Variants in USH2A observed in about 807,000 individuals in gnomAD.
The protein encoded by USH2A is usherin.
USH2A carries 443 observed loss-of-function variants against 538.9 expected under a neutral mutation model. That is an observed-to-expected ratio of 0.82 (90% CI 0.76 to 0.89). The LOEUF (loss-of-function observed/expected upper bound fraction) is 0.89, where lower values mean the gene tolerates loss of function less well. Among genes scored for constraint, USH2A ranks in the 40% least tolerant of loss-of-function variants. The pLI, the probability that USH2A is intolerant of heterozygous loss-of-function variation, is 0.00. For synonymous variants in USH2A, 2,413 were observed against 2,273.5 expected (o/e 1.06, Z -1.75); for missense variants, 6,633 against 6,324.8 (o/e 1.05, Z -1.65).
chr1:215,881,222 C>A (rs888602604), intron 41 of USH2A, among the ~76,000 whole-genome samples: 27 of 152,320 alleles, frequency 1.8e-4, no homozygotes, highest in African/African-American at 6.3e-4. Flanking sequence ...CCCACTGCAA[C>A]CTCTGCCTTC....
intron 61 of USH2A, among the ~76,000 whole-genome samples, chr1:215,702,991 T>C (rs1000215057): frequency 3.3e-5 from 5 of 152,188 alleles, no homozygotes; most frequent in Admixed American, 2.0e-4. Flanking sequence ...CGGATGGGGT[T>C]GTTTCATTGT....
At chr1:215,878,336 T>C (rs528789931) in intron 42 of USH2A, among the ~76,000 whole-genome samples, 2 of 152,308 alleles carry the variant, frequency 1.3e-5, no homozygotes, top group East Asian at 3.9e-4. Context: ...TTTTCTTTCA[T>C]CGTATCGGGC....
chr1:216,169,239 A>G (rs1459536512), intron 21 of USH2A, among the ~76,000 whole-genome samples: 1 of 152,154 alleles, frequency 6.6e-6, no homozygotes, highest in African/African-American at 2.4e-5. Flanking sequence ...ATGGACAAAA[A>G]CAGATGCTTT....
At chr1:215,834,588 A>T (rs2102812330) in intron 47 of USH2A, among the ~76,000 whole-genome samples, 1 of 152,264 alleles carries the variant, frequency 6.6e-6, no homozygotes, top group Non-Finnish European at 1.5e-5. Context: ...GCTGCTTCAC[A>T]TCCTGATTGT....
intron 11 of USH2A, among the ~76,000 whole-genome samples, chr1:216,273,576 T>C (rs1369280363): frequency 6.6e-6 from 1 of 152,170 alleles, no homozygotes; most frequent in East Asian, 1.9e-4. Context: ...AGTGTTTCTG[T>C]TATTCACTGT....
intron 37 of USH2A, among the ~76,000 whole-genome samples, chr1:215,961,149 C>T (rs1208985156): frequency 6.6e-6 from 1 of 151,930 alleles, no homozygotes; most frequent in Admixed American, 6.6e-5. Context: ...GAACGATCAT[C>T]TAATAGATAT....
chr1:216,422,557 T>C lies in USH2A; in HGVS notation c.-204-17A>G, dbSNP rs555661613. ...TGCTGGTATCTGGGAATCAAAAACG[T>C]AGGGCGTCAAGGGAAAGCTGCTGCA... On this transcript the variant is annotated splice_polypyrimidine_tract_variant and intron_variant, in intron 1 of 71. Transcript: ENST00000307340. 1 of 579,366 alleles carries C rather than the reference T, an allele frequency of 1.7e-6. No homozygotes were observed. Among genetic ancestry groups the C allele is most frequent in the Non-Finnish European group, 2.9e-6 (1 of 339,646 alleles). The allele number at this position is 579,366 out of a possible 1,614,324, so 35.9% of individuals were successfully genotyped here.
chr1:215,988,696 G>A, intron 35 of USH2A, among the ~76,000 whole-genome samples: 1 of 152,054 alleles, frequency 6.6e-6, no homozygotes, highest in East Asian at 1.9e-4. Flanking sequence ...CTTTAATAAT[G>A]GTAATCAACA....
chr1:215,665,175 T>C (rs1201520138), intron 64 of USH2A, among the ~76,000 whole-genome samples: 1 of 152,170 alleles, frequency 6.6e-6, no homozygotes, highest in African/African-American at 2.4e-5. Context: ...CTTCTGTGTC[T>C]CCTCCACAGC....
chr1:215,970,287 C>A (rs1263352852), intron 36 of USH2A, among the ~76,000 whole-genome samples: 1 of 152,200 alleles, frequency 6.6e-6, no homozygotes, highest in South Asian at 2.1e-4. Flanking sequence ...CTTAAACTTA[C>A]TTAGATGTTG....
At chr1:216,088,980 C>T (rs1399821764) in intron 23 of USH2A, 33 bp downstream of exon 23, 1 of 1,612,228 alleles carries the variant, frequency 6.2e-7, no homozygotes, top group Non-Finnish European at 8.5e-7. Context: ...AACATATCAA[C>T]AGGGCTATTT....
intron 15 of USH2A, among the ~76,000 whole-genome samples, chr1:216,216,610 T>C (rs1212722962): frequency 6.6e-6 from 1 of 152,022 alleles, no homozygotes; most frequent in Non-Finnish European, 1.5e-5. Flanking sequence ...CCAGCAGGCA[T>C]TTCTTAGGGA....
In USH2A at chr1:216,130,394, G is replaced by T. The variant is rs186888467; in HGVS notation, c.4628-33181C>A. On this transcript the variant is annotated intron_variant, in intron 21 of 71. Transcript: ENST00000307340. ...ATCATAACTTAGCTCCCACTTTTGA[G>T]TGAGCATATATGATGTTTGGTTTTC... Among the ~76,000 whole-genome samples, 866 of 151,622 alleles carry T rather than the reference G, an allele frequency of 5.7e-3. 8 individuals carry two copies. Among genetic ancestry groups the T allele is most frequent in the Admixed American group, 8.1e-3 (123 of 15,172 alleles).
At chr1:216,371,321 A>C (rs1169134115) in intron 3 of USH2A, among the ~76,000 whole-genome samples, 1 of 152,200 alleles carries the variant, frequency 6.6e-6, no homozygotes, top group East Asian at 1.9e-4. Context: ...AATATGACAT[A>C]GTTTTTAGTG....
intron 4 of USH2A, among the ~76,000 whole-genome samples, chr1:216,335,830 G>A (rs1341567809): frequency 6.6e-6 from 1 of 151,420 alleles, no homozygotes; most frequent in Non-Finnish European, 1.5e-5. Context: ...TTTCATTGGC[G>A]AATTCTACCA....
At chr1:216,303,196 A>G (rs1279288897) in intron 9 of USH2A, among the ~76,000 whole-genome samples, 1 of 152,000 alleles carries the variant, frequency 6.6e-6, no homozygotes, top group Non-Finnish European at 1.5e-5. Context: ...AGTTTATTCA[A>G]GATTGTAGAT....
At chr1:216,402,841 A>G (rs2039331455) in intron 3 of USH2A, among the ~76,000 whole-genome samples, 1 of 152,162 alleles carries the variant, frequency 6.6e-6, no homozygotes. Context: ...ATACAACATA[A>G]TAAAATATGT....
At chr1:216,380,483 A>G (rs1185069406) in intron 3 of USH2A, among the ~76,000 whole-genome samples, 1 of 152,156 alleles carries the variant, frequency 6.6e-6, no homozygotes, top group African/African-American at 2.4e-5. Context: ...ATTTAATATG[A>G]TAAGTTAAGA....
chr1:215,997,839 C>G (rs1425566181), intron 34 of USH2A, among the ~76,000 whole-genome samples: 1 of 152,092 alleles, frequency 6.6e-6, no homozygotes, highest in Non-Finnish European at 1.5e-5. Context: ...GGTAATAAAA[C>G]TGTACATAAC....
Sources: gnomAD v4.1 joint callset for allele counts (sites outside exome capture counted in the v4.1 genomes callset) on GRCh38, gnomAD v4.1.1 for gene constraint, MANE v1.5 for transcripts, NCBI Gene and HGNC (gene_info 2026-07-23, HGNC 2026-07-21) for gene names.